Variants in RALGAPA1 observed in about 807,000 individuals in gnomAD.
RALGAPA1 encodes the protein ral GTPase-activating protein subunit alpha-1.
In RALGAPA1, 52 loss-of-function variants were observed where a neutral mutation model predicts 269.6. That is an observed-to-expected ratio of 0.19 (90% CI 0.15 to 0.24). RALGAPA1 has a LOEUF of 0.24. Among genes scored for constraint, RALGAPA1 ranks in the 10% least tolerant of loss-of-function variants. The pLI, the probability that RALGAPA1 is intolerant of heterozygous loss-of-function variation, is 1.00. For synonymous variants in RALGAPA1, 817 were observed against 1,008.3 expected (o/e 0.81, Z 3.60); for missense variants, 1,917 against 3,013.9 (o/e 0.64, Z 8.52).
chr14:35,766,031 G>A, intron 4 of RALGAPA1: 1 of 1,378,068 alleles, frequency 7.3e-7, no homozygotes, highest in Non-Finnish European at 1.0e-6. Context: ...ATTCAGACTG[G>A]CTGATAACTG....
At chr14:35,722,516 A>T (rs2069512140) in intron 15 of RALGAPA1, among the ~76,000 whole-genome samples, 1 of 151,772 alleles carries the variant, frequency 6.6e-6, no homozygotes, top group Non-Finnish European at 1.5e-5. Flanking sequence ...GGGAAGCTGA[A>T]GGTGGGGATC....
intron 41 of RALGAPA1, among the ~76,000 whole-genome samples, chr14:35,541,315 G>A (rs1007693821): frequency 7.2e-5 from 11 of 151,982 alleles, no homozygotes; most frequent in African/African-American, 2.7e-4. Context: ...AAAGTGCTGG[G>A]ATTGCAGGCG....
intron 16 of RALGAPA1, 33 bp from the exon 17 acceptor site, chr14:35,700,335 G>A: frequency 2.0e-6 from 3 of 1,467,854 alleles, no homozygotes; most frequent in Admixed American, 2.7e-5. Context: ...AGTGGGGAAG[G>A]AAAAAAGAAG....
intron 16 of RALGAPA1, among the ~76,000 whole-genome samples, chr14:35,712,428 C>CAAA (rs1305762495): frequency 6.6e-5 from 10 of 152,182 alleles, no homozygotes; most frequent in African/African-American, 2.4e-4. Context: ...ACATTTCTTG[C>CAAA]AAAGCAAGTA....
At position 35,569,737 on chromosome 14, in the gene RALGAPA1, A is replaced by G. The variant is rs7143430; in HGVS notation, c.7496+880T>C. On this transcript the variant is annotated intron_variant, in intron 39 of 41. Transcript: ENST00000680220. ...AAATTGGTTCAATCCTCACTGTTTC[A>G]GAAGTGTTTCCTGACAACACCACTC... is the stretch of plus-strand genomic sequence containing the variant. Among the ~76,000 whole-genome samples, 374 of 152,254 alleles carry G rather than the reference A, an allele frequency of 2.5e-3. 2 individuals carry two copies. Among genetic ancestry groups the G allele is most frequent in the African/African-American group, 8.6e-3 (357 of 41,542 alleles).
rs1000606900 is a variant in RALGAPA1, at chr14:35,690,369, T to G, written c.2408-366A>C. ...TTATTTACGTTCCAAGCAGAAAAAA[T>G]ACACCTTAACACAGAAAGCCGATCC... is the stretch of plus-strand genomic sequence containing the variant. On this transcript the variant is annotated intron_variant, in intron 17 of 41. Coordinates refer to ENST00000680220, the MANE Select transcript of RALGAPA1 (RefSeq NM_001346249.2). 2.6e-4 allele frequency among the ~76,000 whole-genome samples: 39 copies of G among 152,114 alleles called. 1 individual carries two copies. The highest frequency in any genetic ancestry group is 5.9e-5 in the Non-Finnish European group (4 of 68,020).
chr14:35,785,490 T>C (rs2075732274), intron 1 of RALGAPA1, among the ~76,000 whole-genome samples: 1 of 152,186 alleles, frequency 6.6e-6, no homozygotes, highest in African/African-American at 2.4e-5. Context: ...GAAAATCCTA[T>C]TATACTGGGA....
chr14:35,617,859 T>C (rs1270177221), intron 35 of RALGAPA1, among the ~76,000 whole-genome samples: 10 of 151,644 alleles, frequency 6.6e-5, no homozygotes, highest in East Asian at 1.9e-4. Flanking sequence ...ACTGAGCAGA[T>C]TGTCTGCATC....
chr14:35,622,787 A>G (rs2060720160), intron 35 of RALGAPA1, among the ~76,000 whole-genome samples: 1 of 152,356 alleles, frequency 6.6e-6, no homozygotes, highest in South Asian at 2.1e-4. Flanking sequence ...AATAATTACC[A>G]CCTCAATGAA....
At chr14:35,776,017 G>A (rs944448796) in intron 1 of RALGAPA1, among the ~76,000 whole-genome samples, 2 of 152,258 alleles carry the variant, frequency 1.3e-5, no homozygotes, top group African/African-American at 4.8e-5. Flanking sequence ...AAGAAGTTAA[G>A]TTCTATTTTC....
chr14:35,774,855 T>A, intron 3 of RALGAPA1, 151 bp downstream of exon 3: 1 of 637,386 alleles, frequency 1.6e-6, no homozygotes. Flanking sequence ...TAGGATTCAG[T>A]CAGGCATATT....
chr14:35,635,268 T>C (rs890975767), intron 32 of RALGAPA1, among the ~76,000 whole-genome samples, 196 bp downstream of exon 32: 1 of 152,166 alleles, frequency 6.6e-6, no homozygotes, highest in African/African-American at 2.4e-5. Context: ...ATCTAATTCC[T>C]CTCAAAATTT....
chr14:35,733,306 C>T (rs1282534781), intron 12 of RALGAPA1, among the ~76,000 whole-genome samples: 3 of 151,966 alleles, frequency 2.0e-5, no homozygotes, highest in Admixed American at 1.3e-4. Context: ...GGAGAAACCC[C>T]GTCTCTACTA....
At chr14:35,551,455 C>T (rs2054998269) in intron 39 of RALGAPA1, among the ~76,000 whole-genome samples, 1 of 152,106 alleles carries the variant, frequency 6.6e-6, no homozygotes, top group South Asian at 2.1e-4. Flanking sequence ...GGAGAACAGT[C>T]TGCTATCAAA....
intron 14 of RALGAPA1, 128 bp from the exon 15 acceptor site, chr14:35,723,392 GATA>G (rs2069607945): frequency 1.8e-6 from 1 of 566,468 alleles, no homozygotes; most frequent in Non-Finnish European, 3.1e-6. Context: ...TTTTTTAATA[GATA>G]ATACTACTTG....
At chr14:35,733,975 T>C (rs534628701) in intron 12 of RALGAPA1, among the ~76,000 whole-genome samples, 168 of 148,854 alleles carry the variant, frequency 1.1e-3, no homozygotes, top group African/African-American at 4.0e-3. Flanking sequence ...ATAAATAAAA[T>C]ACTTAGGAAT....
At chr14:35,589,408 G>T (rs2138888194) in intron 37 of RALGAPA1, among the ~76,000 whole-genome samples, 1 of 152,168 alleles carries the variant, frequency 6.6e-6, no homozygotes, top group Non-Finnish European at 1.5e-5. Context: ...GATTTTAAGT[G>T]TTCTCAACAT....
intron 21 of RALGAPA1, 84 bp downstream of exon 21, chr14:35,683,725 C>A: frequency 9.5e-7 from 1 of 1,054,180 alleles, no homozygotes; most frequent in Admixed American, 2.7e-5. Flanking sequence ...ATAAGTAATA[C>A]TTAAAATCTC....
intron 17 of RALGAPA1, among the ~76,000 whole-genome samples, chr14:35,693,832 CA>C (rs1283506889): frequency 6.6e-5 from 10 of 151,764 alleles, no homozygotes; most frequent in Non-Finnish European, 1.2e-4. Flanking sequence ...TAAAATGGGT[CA>C]ATTATTTCTA....
Sources: gnomAD v4.1 joint callset for allele counts (sites outside exome capture counted in the v4.1 genomes callset) on GRCh38, gnomAD v4.1.1 for gene constraint, MANE v1.5 for transcripts, NCBI Gene and HGNC (gene_info 2026-07-23, HGNC 2026-07-21) for gene names.